Variants in GNAQ observed in about 807,000 individuals in gnomAD.
GNAQ encodes G protein subunit alpha q, also known as guanine nucleotide-binding protein G(q) subunit alpha.
A neutral mutation model predicts 43.9 loss-of-function variants in GNAQ; 8 were observed. The ratio of observed to expected loss-of-function variants is 0.18; its 90% confidence interval spans 0.11 to 0.33. The LOEUF is 0.33. Among genes scored for constraint, GNAQ ranks in the 10% least tolerant of loss-of-function variants. The pLI is 1.00. For missense variants in GNAQ, 158 were observed against 450.8 expected (o/e 0.35, Z 5.88); for synonymous variants, 155 against 170.7 (o/e 0.91, Z 0.71).
intron 1 of GNAQ, among the ~76,000 whole-genome samples, chr9:77,955,252 T>C (rs1587429193): frequency 6.6e-6 from 1 of 152,102 alleles, no homozygotes; most frequent in Non-Finnish European, 1.5e-5. Flanking sequence ...AAGCAATTCT[T>C]CCGCCTCAGC....
chr9:77,941,572 T>C (rs993009829), intron 1 of GNAQ, among the ~76,000 whole-genome samples: 4 of 152,168 alleles, frequency 2.6e-5, no homozygotes, highest in African/African-American at 9.7e-5. Flanking sequence ...TCTTAAAATA[T>C]TGTATACGTT....
intron 5 of GNAQ, among the ~76,000 whole-genome samples, chr9:77,763,107 T>TA (rs1209929419): frequency 0.013 from 1,088 of 86,842 alleles, 7 homozygotes; most frequent in African/African-American, 0.034. Flanking sequence ...AAAATAAAAT[T>TA]AAAAAAAAAC....
intron 5 of GNAQ, among the ~76,000 whole-genome samples, chr9:77,744,031 A>G (rs1287933290): frequency 5.3e-5 from 8 of 152,202 alleles, no homozygotes; most frequent in African/African-American, 1.2e-4. Context: ...AGTCTAAATT[A>G]CCCTTAAAAG....
At chr9:77,737,711 G>T (rs545838566) in intron 5 of GNAQ, among the ~76,000 whole-genome samples, 1 of 152,184 alleles carries the variant, frequency 6.6e-6, no homozygotes, top group African/African-American at 2.4e-5. Flanking sequence ...GAGCCAAGGA[G>T]ACAACTAGAC....
intron 5 of GNAQ, among the ~76,000 whole-genome samples, chr9:77,749,739 CACAG>C (rs1310510610): frequency 6.6e-6 from 1 of 152,066 alleles, no homozygotes; most frequent in African/African-American, 2.4e-5. Context: ...CACACAGAAA[CACAG>C]ACATATAAAA....
chr9:77,801,925 A>G (rs1300907267), intron 3 of GNAQ, among the ~76,000 whole-genome samples: 1 of 152,164 alleles, frequency 6.6e-6, no homozygotes, highest in African/African-American at 2.4e-5. Context: ...CTATAATCCT[A>G]GCACTTTGGG....
At chr9:77,997,735 C>T (rs1823587331) in intron 1 of GNAQ, among the ~76,000 whole-genome samples, 1 of 152,168 alleles carries the variant, frequency 6.6e-6, no homozygotes, top group South Asian at 2.1e-4. Flanking sequence ...CCTGGAGGCC[C>T]AGATTCACAG....
intron 3 of GNAQ, among the ~76,000 whole-genome samples, chr9:77,802,535 T>C (rs889769614): frequency 1.3e-5 from 2 of 152,060 alleles, no homozygotes; most frequent in Non-Finnish European, 2.9e-5. Context: ...GTTAAATTAT[T>C]CCATTCATTC....
chr9:77,903,318 G>A (rs1828641582), intron 2 of GNAQ, among the ~76,000 whole-genome samples: 1 of 152,312 alleles, frequency 6.6e-6, no homozygotes, highest in Middle Eastern at 3.4e-3. Context: ...GGCAGCATGG[G>A]TGTTGGACGC....
intron 2 of GNAQ, among the ~76,000 whole-genome samples, chr9:77,905,662 C>G (rs1450649168): frequency 6.6e-6 from 1 of 152,146 alleles, no homozygotes; most frequent in African/African-American, 2.4e-5. Context: ...AACCTGAAGC[C>G]TTTAGCTGTC....
chr9:77,797,956 T>G (rs1826683316), intron 3 of GNAQ, among the ~76,000 whole-genome samples: 1 of 152,246 alleles, frequency 6.6e-6, no homozygotes. Flanking sequence ...TATTCTCTAC[T>G]TGTTTAGTAG....
chr9:77,880,465 T>G (rs1828189985), intron 2 of GNAQ, among the ~76,000 whole-genome samples: 1 of 152,062 alleles, frequency 6.6e-6, no homozygotes, highest in African/African-American at 2.4e-5. Context: ...ACTTTAGCCT[T>G]GAACTCCTGG....
intron 1 of GNAQ, among the ~76,000 whole-genome samples, chr9:78,014,915 G>A (rs1031656277): frequency 4.6e-5 from 7 of 152,002 alleles, no homozygotes; most frequent in Admixed American, 2.0e-4. Flanking sequence ...AATTCCTATC[G>A]CCTACTGACA....
chr9:77,890,240 G>A (rs899355240), intron 2 of GNAQ, among the ~76,000 whole-genome samples: 4 of 152,268 alleles, frequency 2.6e-5, no homozygotes, highest in African/African-American at 9.6e-5. Context: ...ATCCTCCACA[G>A]TACTTCTTCC....
chr9:78,009,836 A>C (rs1393503586), intron 1 of GNAQ, among the ~76,000 whole-genome samples: 2 of 152,202 alleles, frequency 1.3e-5, no homozygotes, highest in Non-Finnish European at 2.9e-5. Context: ...AATCCAAGCA[A>C]ATACATGATA....
At chr9:77,962,732 A>C (rs1335916816) in intron 1 of GNAQ, among the ~76,000 whole-genome samples, 1 of 151,970 alleles carries the variant, frequency 6.6e-6, no homozygotes, top group African/African-American at 2.4e-5. Context: ...TCTAATAAAA[A>C]ATACAAAAAG....
At chr9:77,808,401 T>TA (rs1826861848) in intron 3 of GNAQ, among the ~76,000 whole-genome samples, 1 of 149,632 alleles carries the variant, frequency 6.7e-6, no homozygotes, top group Non-Finnish European at 1.5e-5. Context: ...TGTGGCCCAC[T>TA]AGATAACAAA....
chr9:77,810,219 T>C (rs991893212), intron 3 of GNAQ, among the ~76,000 whole-genome samples: 1 of 85,578 alleles, frequency 1.2e-5, no homozygotes, highest in Non-Finnish European at 2.3e-5. Context: ...TCTATCTATC[T>C]ATCTATCTAT....
intron 5 of GNAQ, among the ~76,000 whole-genome samples, chr9:77,739,456 A>G (rs1431563458): frequency 6.6e-6 from 1 of 152,216 alleles, no homozygotes; most frequent in Non-Finnish European, 1.5e-5. Context: ...CATGATTTTA[A>G]TGTTTCTTAC....
Sources: allele counts gnomAD v4.1 joint callset (sites outside exome capture counted in the v4.1 genomes callset), GRCh38; gene constraint gnomAD v4.1.1; transcripts MANE v1.5; gene names NCBI Gene and HGNC (gene_info 2026-07-23, HGNC 2026-07-21).